Variants in DEPDC5 observed in about 807,000 individuals in gnomAD.
DEPDC5 encodes the protein DEP domain containing 5, GATOR1 subcomplex subunit.
DEPDC5 carries 73 observed loss-of-function variants against 217.3 expected under a neutral mutation model. That is an observed-to-expected ratio of 0.34 (90% CI 0.28 to 0.41). DEPDC5 has a LOEUF of 0.41. Among genes scored for constraint, DEPDC5 ranks in the 10% least tolerant of loss-of-function variants. The pLI is 1.00. For synonymous variants in DEPDC5, 733 were observed against 756.7 expected (o/e 0.97, Z 0.51); for missense variants, 1,675 against 2,070.1 (o/e 0.81, Z 3.70).
chr22:31,879,512 C>T lies in DEPDC5; in HGVS notation c.3806-13C>T. 1 of 1,606,062 alleles carries T rather than the reference C, an allele frequency of 6.2e-7. No individual in the cohort carries two copies. The highest frequency in any genetic ancestry group is 8.5e-7 in the Non-Finnish European group (1 of 1,179,366). ...GTGTTGAGTACTCCTTCTCTCCCCT[C>T]CACTTTTCCCAGTGGCCATGCAGCA... On this transcript the variant is annotated splice_polypyrimidine_tract_variant and intron_variant, in intron 37 of 42. Coordinates refer to ENST00000651528, the MANE Select transcript of DEPDC5 (RefSeq NM_001242896.3).
In DEPDC5 at chr22:31,897,552, C is replaced by T; in HGVS notation, c.4274C>T (p.Ala1425Val). The T allele has an allele frequency of 6.2e-7, 1 of 1,614,166 alleles. No homozygotes were observed. The highest frequency in any genetic ancestry group is 1.1e-5 in the South Asian group (1 of 91,076). Residue 1425 changes from alanine (A) to valine (V), a missense_variant, in exon 40 of 43, where the codon GCA becomes GTA. Ala to Val is a moderately conservative substitution (Grantham distance 64). Around this residue, in one of 11 missense-constraint regions of DEPDC5, gnomAD observed 182 missense variants for 290.1 expected, o/e 0.63. Transcript: ENST00000651528. ...GTCCCAGTTTTGGAGGGGCCTTTTG[C>T]ACTGCCCAGTTACCTGTATGGCGAC... is the stretch of plus-strand genomic sequence containing the variant. ...LLVPVLEGPF[A>V]LPSYLYGDPL...
chr22:31,886,949 G>A (rs1003629937), intron 38 of DEPDC5, among the ~76,000 whole-genome samples: 3 of 151,884 alleles, frequency 2.0e-5, no homozygotes, highest in East Asian at 1.9e-4. Context: ...ATGGCGTGGT[G>A]GCGTGTGCCT....
intron 39 of DEPDC5, chr22:31,894,856 GA>G (rs528792767): frequency 3.0e-4 from 41 of 136,838 alleles, no homozygotes; most frequent in East Asian, 4.2e-4. Flanking sequence ...AAAAAAAAAG[GA>G]AAAAAAAAAA....
intron 8 of DEPDC5, among the ~76,000 whole-genome samples, chr22:31,782,131 GA>G (rs201604603): frequency 4.7e-5 from 7 of 149,474 alleles, no homozygotes; most frequent in South Asian, 4.4e-4. Context: ...TCATTTCTCT[GA>G]AAAAAATTTT....
chr22:31,866,671 A>T (rs1457786687), intron 33 of DEPDC5, among the ~76,000 whole-genome samples: 1 of 152,224 alleles, frequency 6.6e-6, no homozygotes, highest in Non-Finnish European at 1.5e-5. Context: ...GGTGTGAGCC[A>T]CCGCGCCCAG....
At position 31,833,988 on chromosome 22, in the gene DEPDC5, G is replaced by T; in HGVS notation, c.2170+8G>T. The T allele has an allele frequency of 6.2e-7, 1 of 1,613,642 alleles. No individual in the cohort carries two copies. The highest frequency in any genetic ancestry group is 1.3e-5 in the African/African-American group (1 of 75,012). On this transcript the variant is annotated splice_region_variant and intron_variant, in intron 25 of 42. Transcript: ENST00000651528. ...CTACCTCTCCAGACCCAAGTAAGAG[G>T]GGGCAGCTGACTGGGGAAAGGGGTA...
chr22:31,814,824 A>G (rs1259189652), intron 20 of DEPDC5, 168 bp from the exon 21 acceptor site: 1 of 635,968 alleles, frequency 1.6e-6, no homozygotes, highest in Non-Finnish European at 2.7e-6. Flanking sequence ...ATAACATCTC[A>G]AGCTGTTAAG....
At chr22:31,841,511 G>T (rs1020627306) in intron 27 of DEPDC5, among the ~76,000 whole-genome samples, 9 of 152,218 alleles carry the variant, frequency 5.9e-5, no homozygotes, top group African/African-American at 2.2e-4. Context: ...GGAGTGAGCT[G>T]GAGCATAGGG....
rs1302153780 is a variant in DEPDC5, at chr22:31,843,779, A to G, written c.2768A>G (p.Gln923Arg). The change falls in exon 29 of 43, where the codon CAG becomes CGG. Residue 923 changes from glutamine (Q) to arginine (R), a missense_variant. By Grantham distance (43) the Gln-to-Arg change is conservative (BLOSUM62 1). This residue lies in a region of DEPDC5 where 293 missense variants were observed against 386.1 expected (regional missense o/e 0.76). Coordinates refer to ENST00000651528, the MANE Select transcript of DEPDC5 (RefSeq NM_001242896.3). The part of the protein sequence containing the change: ...LEEYKWNYLD[Q>R]YICSAGSEDF... The stretch of plus-strand genomic sequence containing the variant: ...GAGTACAAGTGGAATTACTTAGATC[A>G]GTATATCTGTTCTGCCGGCTCTGAA... 1 of 1,612,002 alleles carries G rather than the reference A, an allele frequency of 6.2e-7. No individual in the cohort carries two copies.
chr22:31,845,150 C>T lies in DEPDC5; in HGVS notation c.2934C>T (p.Asp978=), dbSNP rs559006082. 46 of 1,614,168 alleles carry T rather than the reference C, an allele frequency of 2.8e-5. No individual in the cohort carries two copies. The highest frequency in any genetic ancestry group is 2.0e-4 in the Admixed American group (12 of 60,014). The change falls in exon 30 of 43, where the codon GAC becomes GAT. Residue 978 remains aspartate (D), a synonymous_variant. Transcript: ENST00000651528. ...IYGDRPRADE[D]EWQLLDGFVR... ...GGGACAGGCCCCGTGCAGACGAGGA[C>T]GAGTGGCAACTCCTGGATGGTTTTG... is the stretch of plus-strand genomic sequence containing the variant.
chr22:31,833,634 G>A (rs1033868132), intron 24 of DEPDC5, among the ~76,000 whole-genome samples: 2 of 152,142 alleles, frequency 1.3e-5, no homozygotes, highest in Non-Finnish European at 2.9e-5. Context: ...AAATGTGTCC[G>A]TTTTCTTAAA....
Position 31,864,700 on chromosome 22 carries a change from T to G in DEPDC5, c.3330+3267T>G, listed in dbSNP as rs182534154. Among the ~76,000 whole-genome samples the G allele has an allele frequency of 2.0e-5, 3 of 151,586 alleles. No homozygotes were observed. In the East Asian group the frequency reaches 5.8e-4, roughly 30 times the overall value. On this transcript the variant is annotated intron_variant, in intron 33 of 42. Coordinates refer to ENST00000651528, the MANE Select transcript of DEPDC5 (RefSeq NM_001242896.3). ...GAGGCCAAAGTACTGGGATCTCACT[T>G]TTTTTTGAGATGGAGTCTTGCTCTG...
At chr22:31,786,218 C>T (rs1175307077) in intron 10 of DEPDC5, among the ~76,000 whole-genome samples, 2 of 148,180 alleles carry the variant, frequency 1.3e-5, no homozygotes, top group South Asian at 2.1e-4. Context: ...ATTATGCCAC[C>T]GTACTCCAGC....
rs530162857 is a variant in DEPDC5 at position 31,761,938 on chromosome 22, A to C, written c.193+1236A>C. Among the ~76,000 whole-genome samples, 9 of 148,966 alleles carry C rather than the reference A, an allele frequency of 6.0e-5. No individual in the cohort carries two copies. In the East Asian group the frequency reaches 1.6e-3, roughly 26 times the overall value. Reference sequence around the variant, plus strand: ...AGCCGAGGTCACGCCACTGCACTCCAGCCTGGGCGACAGAGCGAGACTCCG... The same window carrying C: ...AGCCGAGGTCACGCCACTGCACTCCCGCCTGGGCGACAGAGCGAGACTCCG... On this transcript the variant is annotated intron_variant, in intron 4 of 42. Transcript: ENST00000651528.
chr22:31,838,662 G>C, intron 26 of DEPDC5, 23 bp from the exon 27 acceptor site: 1 of 1,612,274 alleles, frequency 6.2e-7, no homozygotes, highest in South Asian at 1.1e-5. Context: ...GCATCTGTAT[G>C]AGCAATCATC....
chr22:31,861,227 C>A, intron 32 of DEPDC5, 141 bp from the exon 33 acceptor site: 8 of 243,260 alleles, frequency 3.3e-5, no homozygotes, highest in East Asian at 1.9e-4. Context: ...GTCCTTGTTT[C>A]TCTCCTTCCC....
At chr22:31,776,215 G>A (rs1041725843) in intron 7 of DEPDC5, among the ~76,000 whole-genome samples, 15 of 151,712 alleles carry the variant, frequency 9.9e-5, no homozygotes, top group African/African-American at 3.6e-4. Context: ...AGGCCCAAGC[G>A]ATCCTCCTAC....
chr22:31,875,671 C>T (rs1418639735), intron 36 of DEPDC5: 1 of 132,314 alleles, frequency 7.6e-6, no homozygotes, highest in Non-Finnish European at 1.5e-5. Flanking sequence ...CTCACTTCGT[C>T]GCCTAGGCTG....
At chr22:31,833,359 T>C (rs961728298) in intron 24 of DEPDC5, among the ~76,000 whole-genome samples, 3 of 152,236 alleles carry the variant, frequency 2.0e-5, no homozygotes, top group Admixed American at 6.5e-5. Flanking sequence ...ATTGTTTTTA[T>C]GTTAAAGTAG....
Sources: allele counts gnomAD v4.1 joint callset (sites outside exome capture counted in the v4.1 genomes callset), GRCh38; gene constraint gnomAD v4.1.1; regional missense constraint gnomAD v4.1.1; transcripts MANE v1.5; gene names NCBI Gene and HGNC (gene_info 2026-07-23, HGNC 2026-07-21).